Variants in CSMD1 observed in about 807,000 individuals in gnomAD.
The protein encoded by CSMD1 is CUB and Sushi multiple domains 1, also known as CUB and sushi domain-containing protein 1.
Under a neutral mutation model 417.5 loss-of-function variants are expected in CSMD1, and 213 were observed. That is an observed-to-expected ratio of 0.51 (90% CI 0.46 to 0.57). CSMD1 has a LOEUF of 0.57. Among genes scored for constraint, CSMD1 ranks in the 20% least tolerant of loss-of-function variants. CSMD1 has a pLI of 0.00. For missense variants in CSMD1, 6,923 were observed against 4,529.7 expected (o/e 1.53, Z -15.17); for synonymous variants, 2,862 against 1,736.8 (o/e 1.65, Z -16.11).
At chr8:3,754,151 C>T (rs1174691469) in intron 5 of CSMD1, 109 bp from the exon 6 acceptor site, 3 of 630,110 alleles carry the variant, frequency 4.8e-6, no homozygotes, top group Non-Finnish European at 8.5e-6. Flanking sequence ...TCTTGAGATG[C>T]TTAAAACAGA....
At chr8:4,206,883 A>G (rs1800011811) in intron 3 of CSMD1, among the ~76,000 whole-genome samples, 1 of 152,180 alleles carries the variant, frequency 6.6e-6, no homozygotes, top group Admixed American at 6.5e-5. Flanking sequence ...ATTTTTCCAT[A>G]GTTCAGAAAC....
chr8:4,608,864 T>C (rs1429374802), intron 2 of CSMD1, among the ~76,000 whole-genome samples: 1 of 152,200 alleles, frequency 6.6e-6, no homozygotes, highest in African/African-American at 2.4e-5. Context: ...AACAGGGAAC[T>C]AGAAAACATT....
chr8:4,245,301 G>A (rs1266972174), intron 3 of CSMD1, among the ~76,000 whole-genome samples: 1 of 152,138 alleles, frequency 6.6e-6, no homozygotes, highest in Non-Finnish European at 1.5e-5. Context: ...AACAAACACT[G>A]CATAAAAGTA....
At chr8:4,253,150 A>G (rs1034435523) in intron 3 of CSMD1, among the ~76,000 whole-genome samples, 1 of 152,216 alleles carries the variant, frequency 6.6e-6, no homozygotes, top group African/African-American at 2.4e-5. Flanking sequence ...TTCTAAAACG[A>G]TAAACTCATT....
At chr8:4,047,497 G>A (rs567533284) in intron 3 of CSMD1, among the ~76,000 whole-genome samples, 3 of 151,466 alleles carry the variant, frequency 2.0e-5, no homozygotes, top group South Asian at 2.1e-4. Flanking sequence ...CGTAAATGCA[G>A]GGAAGGCAAC....
chr8:3,238,905 G>A (rs1799319204), intron 26 of CSMD1, among the ~76,000 whole-genome samples: 4 of 152,134 alleles, frequency 2.6e-5, no homozygotes, highest in African/African-American at 9.7e-5. Flanking sequence ...ATCAAGAGCA[G>A]GGCATGTATA....
At chr8:3,976,460 G>C (rs1018778234) in intron 5 of CSMD1, among the ~76,000 whole-genome samples, 1 of 152,116 alleles carries the variant, frequency 6.6e-6, no homozygotes, top group Non-Finnish European at 1.5e-5. Context: ...TAATTCAGCT[G>C]TCTCCCGGGT....
intron 54 of CSMD1, among the ~76,000 whole-genome samples, chr8:2,981,467 G>A (rs1805419387): frequency 6.6e-6 from 1 of 152,202 alleles, no homozygotes; most frequent in Non-Finnish European, 1.5e-5. Flanking sequence ...ATAGGGTAAT[G>A]CGTCAGAAAG....
intron 10 of CSMD1, among the ~76,000 whole-genome samples, chr8:3,500,029 G>A (rs908376736): frequency 2.0e-5 from 3 of 152,058 alleles, no homozygotes; most frequent in Admixed American, 6.5e-5. Flanking sequence ...CTGAATACAG[G>A]CATCTGGGGT....
At chr8:4,583,025 G>T (rs1317933096) in intron 2 of CSMD1, among the ~76,000 whole-genome samples, 1 of 152,200 alleles carries the variant, frequency 6.6e-6, no homozygotes, top group Non-Finnish European at 1.5e-5. Context: ...GCCCACCGGC[G>T]CTGTGCTCGA....
At chr8:3,600,138 C>T (rs561159737) in intron 8 of CSMD1, among the ~76,000 whole-genome samples, 3 of 152,310 alleles carry the variant, frequency 2.0e-5, no homozygotes, top group East Asian at 3.9e-4. Flanking sequence ...CACACACACA[C>T]ATAACTGCAG....
At chr8:3,744,727 C>T (rs1311987138) in intron 6 of CSMD1, among the ~76,000 whole-genome samples, 1 of 152,180 alleles carries the variant, frequency 6.6e-6, no homozygotes, top group African/African-American at 2.4e-5. Context: ...AATGAAGAGT[C>T]AGTGACTTAC....
At chr8:3,332,323 G>C (rs1451167038) in intron 23 of CSMD1, among the ~76,000 whole-genome samples, 1 of 152,348 alleles carries the variant, frequency 6.6e-6, no homozygotes, top group African/African-American at 2.4e-5. Context: ...TTTCCTAGCA[G>C]AGAAGGGAAG....
chr8:4,744,492 G>C (rs767891143), intron 1 of CSMD1, among the ~76,000 whole-genome samples: 3 of 152,138 alleles, frequency 2.0e-5, no homozygotes, highest in African/African-American at 7.2e-5. Flanking sequence ...TATTTATTTA[G>C]CATAGGTTTT....
chr8:4,377,986 C>A (rs951555599), intron 3 of CSMD1, among the ~76,000 whole-genome samples: 9 of 152,168 alleles, frequency 5.9e-5, no homozygotes, highest in African/African-American at 2.2e-4. Context: ...GTGCTGTCAA[C>A]AACATTTAAA....
At chr8:4,648,299 T>C (rs772232796) in intron 1 of CSMD1, among the ~76,000 whole-genome samples, 12 of 152,190 alleles carry the variant, frequency 7.9e-5, no homozygotes, top group Non-Finnish European at 1.6e-4. Flanking sequence ...TTTTTGTTTA[T>C]CTTGTTCCTG....
intron 3 of CSMD1, among the ~76,000 whole-genome samples, chr8:4,276,328 C>A (rs568392876): frequency 7.9e-5 from 12 of 152,264 alleles, no homozygotes; most frequent in Admixed American, 2.6e-4. Flanking sequence ...TTTGCAGGGA[C>A]ATGGATGAAA....
chr8:4,423,769 GAGA>G (rs890136604), intron 2 of CSMD1, among the ~76,000 whole-genome samples: 3 of 151,970 alleles, frequency 2.0e-5, no homozygotes, highest in Non-Finnish European at 4.4e-5. Flanking sequence ...CATTTTGCGA[GAGA>G]AGAATAAAGC....
chr8:3,050,346 G>A (rs1212453708), intron 50 of CSMD1, among the ~76,000 whole-genome samples: 1 of 152,136 alleles, frequency 6.6e-6, no homozygotes, highest in South Asian at 2.1e-4. Flanking sequence ...CAGTTTTTCA[G>A]GGTTTTTATG....
Sources: allele counts gnomAD v4.1 joint callset (sites outside exome capture counted in the v4.1 genomes callset), GRCh38; gene constraint gnomAD v4.1.1; transcripts MANE v1.5; gene names NCBI Gene and HGNC (gene_info 2026-07-23, HGNC 2026-07-21).